The following HIVEP1 variants were observed in gnomAD, a reference collection of about 807,000 sequenced individuals.
The protein encoded by HIVEP1 is zinc finger protein 40.
Under a neutral mutation model 180.0 loss-of-function variants are expected in HIVEP1, and 36 were observed. The observed-to-expected ratio is 0.20, with a 90% CI of 0.15 to 0.26. HIVEP1 has a LOEUF of 0.26. HIVEP1 is among the 10% of genes least tolerant of loss of function. HIVEP1 has a pLI of 1.00. For missense variants in HIVEP1, 3,143 were observed against 3,268.7 expected (o/e 0.96, Z 0.94); for synonymous variants, 1,239 against 1,239.0 (o/e 1.00, Z 0.00).
chr6:12,129,583 G>T (rs1758296427), intron 4 of HIVEP1, 176 bp from the exon 5 acceptor site: 1 of 696,302 alleles, frequency 1.4e-6, no homozygotes, highest in South Asian at 1.5e-5. Flanking sequence ...TGCTGTGATT[G>T]AGACAGATTC....
chr6:12,015,704 G>A (rs981756721), intron 2 of HIVEP1, 36 bp downstream of exon 2: 4 of 1,585,322 alleles, frequency 2.5e-6, no homozygotes, highest in Admixed American at 3.5e-5. Context: ...AAGGCTTGCT[G>A]TAAATCTTTT....
intron 2 of HIVEP1, among the ~76,000 whole-genome samples, 166 bp downstream of exon 2, chr6:12,015,834 G>T (rs1355872043): frequency 1.3e-5 from 2 of 152,196 alleles, no homozygotes; most frequent in African/African-American, 4.8e-5. Flanking sequence ...TCTCTCAGGA[G>T]ATACTTAATA....
chr6:12,163,174 A>G lies in HIVEP1; in HGVS notation c.6979-109A>G, dbSNP rs1025876047. ...AGCAAACATCATTTTTATCAATGCA[A>G]ATATACTTACTTTTATCTCATTGTG... is the stretch of plus-strand genomic sequence containing the variant. On this transcript the variant is annotated intron_variant, in intron 8 of 8. Coordinates refer to ENST00000379388, the MANE Select transcript of HIVEP1 (RefSeq NM_002114.4). The G allele has an allele frequency of 5.9e-6, 5 of 854,654 alleles. No individual in the cohort carries two copies. In the African/African-American group the frequency reaches 8.4e-5, roughly 14 times the overall value. The allele number at this position is 854,654 out of a possible 1,614,324, so 52.9% of individuals were successfully genotyped here. A position where few individuals can be genotyped will look rare whatever the true frequency, so the allele number is the denominator to read the frequency against.
rs1230293410 is a variant in HIVEP1 at position 12,121,078 on chromosome 6, A to G, written c.1283A>G (p.His428Arg). The G allele has an allele frequency of 6.2e-7, 1 of 1,613,996 alleles. No individual in the cohort carries two copies. Among genetic ancestry groups the G allele is most frequent in the Non-Finnish European group, 8.5e-7 (1 of 1,179,816 alleles). Residue 428 changes from histidine (H) to arginine (R), a missense_variant, in exon 4 of 9, where the codon CAC (histidine) becomes CGC (arginine). Physicochemically the swap from His to Arg is conservative, Grantham distance 29 (BLOSUM62 0). Around this residue, in one of 12 missense-constraint regions of HIVEP1, gnomAD observed 28 missense variants for 73.6 expected, o/e 0.38. Transcript: ENST00000379388. This position sits in a 1 kb window ranked among gnomAD's most constrained non-coding sequence, Gnocchi z 5.3. ...GTGCTTTTAAAGCATATCCGCTCCC[A>G]CACTGGAGAGCGACCCTATCCCTGT... is the stretch of plus-strand genomic sequence containing the variant. ...PSVLLKHIRSHTGERPYPCVT... is the reference protein window; with the variant it reads ...PSVLLKHIRSRTGERPYPCVT...
chr6:12,193,474 G>A, the HIVEP1 span, among the ~76,000 whole-genome samples: 2 of 152,074 alleles, frequency 1.3e-5, no homozygotes, highest in Non-Finnish European at 2.9e-5. Flanking sequence ...ATCATTAACC[G>A]TGTGCAGAAA....
At chr6:12,044,393 T>G (rs1769978560) in intron 2 of HIVEP1, among the ~76,000 whole-genome samples, 2 of 152,234 alleles carry the variant, frequency 1.3e-5, no homozygotes, top group Admixed American at 1.3e-4. Context: ...CAGTTTTTTT[T>G]GTTGGCACCA....
Position 12,063,708 on chromosome 6 carries a change from A to G in HIVEP1, c.41-25476A>G, listed in dbSNP as rs1771384791. ...ATTGCCAGAGTATTACACATTTGAC[A>G]GCACTTAATAAAGAACAGTGAAGGT... is the stretch of plus-strand genomic sequence containing the variant. On this transcript the variant is annotated intron_variant, in intron 2 of 8. Coordinates refer to ENST00000379388, the MANE Select transcript of HIVEP1 (RefSeq NM_002114.4). The surrounding 1 kb of genome is among the most constrained non-coding windows in gnomAD (Gnocchi z 4.2). 6.6e-6 allele frequency among the ~76,000 whole-genome samples: 1 copy of G among 152,238 alleles called. No individual in the cohort carries two copies.
chr6:12,059,194 T>C (rs979517653), intron 2 of HIVEP1, among the ~76,000 whole-genome samples: 4 of 152,164 alleles, frequency 2.6e-5, no homozygotes, highest in South Asian at 4.1e-4. Flanking sequence ...GATACCACTG[T>C]ACCTAGCTAA....
intron 2 of HIVEP1, among the ~76,000 whole-genome samples, chr6:12,077,532 C>T (rs572495328): frequency 6.6e-6 from 1 of 152,230 alleles, no homozygotes; most frequent in South Asian, 2.1e-4. Context: ...AAGTAAGGAG[C>T]CTTCTCAGGG....
intron 2 of HIVEP1, among the ~76,000 whole-genome samples, chr6:12,052,380 C>CA (rs1350667344): frequency 6.6e-6 from 1 of 152,164 alleles, no homozygotes; most frequent in Non-Finnish European, 1.5e-5. Flanking sequence ...CTTTCTTAAA[C>CA]ATCATTTAAA....
At chr6:12,017,335 C>T (rs978933947) in intron 2 of HIVEP1, among the ~76,000 whole-genome samples, 5 of 152,302 alleles carry the variant, frequency 3.3e-5, no homozygotes, top group East Asian at 3.9e-4. Context: ...GTTGTTCCTT[C>T]TGATGTTCAG....
intron 7 of HIVEP1, among the ~76,000 whole-genome samples, chr6:12,156,980 G>A (rs924186662): frequency 4.6e-5 from 7 of 151,662 alleles, no homozygotes; most frequent in Admixed American, 2.6e-4. Flanking sequence ...TTCAGTTTCC[G>A]CTCCTTTATT....
the HIVEP1 span, among the ~76,000 whole-genome samples, chr6:12,179,175 G>A: frequency 6.6e-6 from 1 of 152,112 alleles, no homozygotes; most frequent in East Asian, 1.9e-4. Context: ...GAGGTGATGG[G>A]GTTTTATGAG....
chr6:12,011,440 C>G (rs1429430811), upstream of HIVEP1, among the ~76,000 whole-genome samples: 1 of 151,712 alleles, frequency 6.6e-6, no homozygotes, highest in African/African-American at 2.4e-5. Context: ...CAACCGCCCC[C>G]AACTGAGCGA....
chr6:12,103,608 T>C (rs981169625), intron 3 of HIVEP1, among the ~76,000 whole-genome samples: 10 of 152,146 alleles, frequency 6.6e-5, no homozygotes, highest in Non-Finnish European at 1.5e-4. Flanking sequence ...TAGGCAGCTG[T>C]TATTATATTT....
chr6:12,179,949 G>T, the HIVEP1 span, among the ~76,000 whole-genome samples: 1 of 152,024 alleles, frequency 6.6e-6, no homozygotes, highest in Non-Finnish European at 1.5e-5. Context: ...AAACAGCTAT[G>T]ACATGAATTT....
At chr6:12,211,199 A>C in the HIVEP1 span, among the ~76,000 whole-genome samples, 1 of 132,330 alleles carries the variant, frequency 7.6e-6, no homozygotes, top group Non-Finnish European at 1.6e-5. Context: ...GGAGATTGAG[A>C]CCATCCTGGC....
At position 12,121,658 on chromosome 6, in the gene HIVEP1, T is replaced by G. The variant is rs776616094; in HGVS notation, c.1863T>G (p.Asn621Lys). 4 of 1,613,994 alleles carry G rather than the reference T, an allele frequency of 2.5e-6. No individual in the cohort carries two copies. The East Asian group carries it at 8.9e-5, about 36-fold the overall frequency. ...GGVSRLETNE[N>K]SHQKGDMNPL... is the part of the protein sequence containing the mutation. ...TCTCCAGGTTGGAGACTAATGAGAA[T>G]TCCCACCAGAAAGGCGACATGAATC... Residue 621 changes from asparagine to lysine, a missense_variant, in exon 4 of 9, where the codon AAT becomes AAG. Transcript: ENST00000379388. The surrounding 1 kb of genome is among the most constrained non-coding windows in gnomAD (Gnocchi z 5.3).
At position 12,124,124 on chromosome 6, in the gene HIVEP1, G is replaced by C. The variant is rs759802080; in HGVS notation, c.4329G>C (p.Leu1443=). 1.2e-6 allele frequency: 2 copies of C among 1,614,024 alleles called. No homozygotes were observed. Among genetic ancestry groups the C allele is most frequent in the African/African-American group, 2.7e-5 (2 of 74,926 alleles). The change falls in exon 4 of 9, where the codon CTG becomes CTC. Residue 1443 remains leucine, a synonymous_variant. Transcript: ENST00000379388. The stretch of plus-strand genomic sequence containing the variant: ...TAAACATAGCCCCAGATAGTCATCT[G>C]TCTCCTGTACACCCAACATCTTTCC... The part of the protein sequence containing the change: ...ISLNIAPDSH[L]SPVHPTSFQN...
Sources: gnomAD v4.1 joint callset for allele counts (sites outside exome capture counted in the v4.1 genomes callset) on GRCh38, gnomAD v4.1.1 for gene constraint, gnomAD v4.1.1 regional missense constraint, Gnocchi (gnomAD v3.1) non-coding constraint, MANE v1.5 for transcripts, NCBI Gene and HGNC (gene_info 2026-07-23, HGNC 2026-07-21) for gene names.